Variants in CCDC178 observed in about 807,000 individuals in gnomAD.
CCDC178 encodes the protein coiled-coil domain containing 178.
CCDC178 carries 126 observed loss-of-function variants against 117.4 expected under a neutral mutation model. The ratio of observed to expected loss-of-function variants is 1.07; its 90% CI spans 0.93 to 1.24. CCDC178 has a LOEUF of 1.24. CCDC178 is among the 50% of genes most tolerant of loss of function. The probability of loss-of-function intolerance (pLI) is 0.00; values close to 1 mark genes in which losing one functional copy is unlikely to be tolerated. For synonymous variants in CCDC178, 283 were observed against 313.4 expected (o/e 0.90, Z 1.02); for missense variants, 1,030 against 986.9 (o/e 1.04, Z -0.59).
At chr18:33,358,302 T>C (rs1293829454) in intron 6 of CCDC178, among the ~76,000 whole-genome samples, 1 of 151,864 alleles carries the variant, frequency 6.6e-6, no homozygotes, top group Non-Finnish European at 1.5e-5. Context: ...TATGACAAGC[T>C]TATTCTAAAA....
chr18:32,945,335 T>C (rs1290142654), intron 22 of CCDC178, among the ~76,000 whole-genome samples: 1 of 152,190 alleles, frequency 6.6e-6, no homozygotes, highest in Non-Finnish European at 1.5e-5. Flanking sequence ...CTCCCCAAGT[T>C]TGAAACTTTA....
At chr18:33,170,811 G>A (rs1274252870) in intron 20 of CCDC178, among the ~76,000 whole-genome samples, 1 of 152,062 alleles carries the variant, frequency 6.6e-6, no homozygotes, top group African/African-American at 2.4e-5. Flanking sequence ...CTTGACAAGA[G>A]AACCAATTAA....
At position 33,224,818 on chromosome 18, in the gene CCDC178, T is replaced by C. The variant is rs1346932636; in HGVS notation, c.1775A>G (p.Asp592Gly). 6.4e-7 allele frequency: 1 copy of C among 1,551,242 alleles called. No homozygotes were observed. The highest frequency in any genetic ancestry group is 1.9e-5 in the Admixed American group (1 of 52,088). Reference protein sequence around the residue: ...ELQEPLLQLEDEAERIRSLDK... With the variant: ...ELQEPLLQLEGEAERIRSLDK... ...GAGACTTCTGATTCTTTCAGCTTCATCTTCTAGTTGAAGCAGAGGTTCCTG... is the reference window on the plus strand; with the variant it reads ...GAGACTTCTGATTCTTTCAGCTTCACCTTCTAGTTGAAGCAGAGGTTCCTG... The change falls in exon 17 of 23, where the codon GAT (aspartate) becomes GGT (glycine). Residue 592 changes from aspartate (D) to glycine (G), a missense_variant. Physicochemically the swap from Asp to Gly is moderately conservative, Grantham distance 94. Transcript: ENST00000383096.
chr18:33,212,116 T>G, intron 19 of CCDC178, 61 bp from the exon 20 acceptor site: 2 of 1,290,472 alleles, frequency 1.5e-6, no homozygotes, highest in South Asian at 3.0e-5. Flanking sequence ...CAAAATGCAT[T>G]TATGAGACAT....
chr18:33,133,235 T>C (rs1159814949), intron 20 of CCDC178, among the ~76,000 whole-genome samples: 2 of 151,810 alleles, frequency 1.3e-5, no homozygotes, highest in African/African-American at 2.4e-5. Flanking sequence ...AGAAAAATAT[T>C]TTATATTTGG....
chr18:33,388,920 T>C (rs147376920), intron 5 of CCDC178, among the ~76,000 whole-genome samples: 1 of 151,904 alleles, frequency 6.6e-6, no homozygotes, highest in African/African-American at 2.4e-5. Flanking sequence ...TTCTCACTTA[T>C]AAGTGGGAGC....
chr18:33,061,178 T>G (rs2056914638), intron 21 of CCDC178, among the ~76,000 whole-genome samples: 1 of 152,084 alleles, frequency 6.6e-6, no homozygotes, highest in Non-Finnish European at 1.5e-5. Context: ...ACATTATTTC[T>G]AGTATTTTTT....
chr18:33,059,190 A>T (rs2144954911), intron 21 of CCDC178, among the ~76,000 whole-genome samples: 1 of 152,300 alleles, frequency 6.6e-6, no homozygotes, highest in Admixed American at 6.5e-5. Context: ...CGCCCTTGAA[A>T]GTAATATATA....
chr18:33,229,850 A>C (rs945730522), intron 15 of CCDC178, among the ~76,000 whole-genome samples: 1 of 152,168 alleles, frequency 6.6e-6, no homozygotes, highest in African/African-American at 2.4e-5. Flanking sequence ...CCAATTAGCT[A>C]GTGATGCCAT....
intron 21 of CCDC178, among the ~76,000 whole-genome samples, chr18:32,986,752 C>T (rs887094847): frequency 2.2e-4 from 34 of 151,686 alleles, no homozygotes; most frequent in African/African-American, 8.0e-4. Context: ...AATAGCAATG[C>T]TAATAAAATT....
In CCDC178 at chr18:33,243,393, A is replaced by G. The variant is rs974451199; in HGVS notation, c.1593+1852T>C. 2.0e-5 allele frequency among the ~76,000 whole-genome samples: 3 copies of G among 152,024 alleles called. No homozygotes were observed. The East Asian group carries it at 5.8e-4, about 29-fold the overall frequency. On this transcript the variant is annotated intron_variant, in intron 15 of 22. Coordinates refer to ENST00000383096, the MANE Select transcript of CCDC178 (RefSeq NM_001105528.4). ...ACATTTTCAAATAGCTAGAAAGATG[A>G]TATTGAATATTTTCATCACAAAGAA...
chr18:32,950,289 G>A (rs546352460), intron 22 of CCDC178, among the ~76,000 whole-genome samples: 1 of 152,166 alleles, frequency 6.6e-6, no homozygotes, highest in African/African-American at 2.4e-5. Context: ...ATAATTTGCT[G>A]GACTCTGCCT....
At chr18:33,220,867 A>G (rs1473962115) in intron 18 of CCDC178, among the ~76,000 whole-genome samples, 2 of 152,026 alleles carry the variant, frequency 1.3e-5, no homozygotes, top group Admixed American at 6.6e-5. Flanking sequence ...AATAATCACA[A>G]CTTCCACTTA....
chr18:33,394,561 T>C (rs1204882990), intron 4 of CCDC178, among the ~76,000 whole-genome samples: 1 of 151,958 alleles, frequency 6.6e-6, no homozygotes, highest in Non-Finnish European at 1.5e-5. Context: ...GGTTTTTTCA[T>C]TGCAAGACTT....
At chr18:33,200,554 A>G (rs2058979816) in intron 20 of CCDC178, among the ~76,000 whole-genome samples, 1 of 152,178 alleles carries the variant, frequency 6.6e-6, no homozygotes, top group Non-Finnish European at 1.5e-5. Context: ...CCTCTGATCT[A>G]CAAACGCTAT....
chr18:33,311,018 A>C (rs927284308), intron 11 of CCDC178, among the ~76,000 whole-genome samples: 4 of 152,206 alleles, frequency 2.6e-5, no homozygotes, highest in African/African-American at 7.2e-5. Flanking sequence ...TCACAACTTT[A>C]GATCTTTATA....
At chr18:32,959,041 T>C (rs757352008) in intron 22 of CCDC178, among the ~76,000 whole-genome samples, 2 of 152,130 alleles carry the variant, frequency 1.3e-5, no homozygotes, top group African/African-American at 2.4e-5. Context: ...ATCTGAGAGG[T>C]TTGTTACAAT....
At chr18:33,054,587 C>T (rs1245461516) in intron 21 of CCDC178, among the ~76,000 whole-genome samples, 2 of 152,210 alleles carry the variant, frequency 1.3e-5, no homozygotes, top group African/African-American at 4.8e-5. Context: ...CATGTCCCTG[C>T]AAAAGACATG....
At chr18:33,100,585 A>G (rs2057610913) in intron 20 of CCDC178, among the ~76,000 whole-genome samples, 1 of 152,012 alleles carries the variant, frequency 6.6e-6, no homozygotes. Flanking sequence ...GTTTCAAGGA[A>G]GCATCAGTTT....
Sources: allele counts gnomAD v4.1 joint callset (sites outside exome capture counted in the v4.1 genomes callset), GRCh38; gene constraint gnomAD v4.1.1; transcripts MANE v1.5; gene names NCBI Gene and HGNC (gene_info 2026-07-23, HGNC 2026-07-21).